Variants in ETV6 observed in about 807,000 individuals in gnomAD.
ETV6 encodes the protein transcription factor ETV6.
A neutral mutation model predicts 51.1 loss-of-function variants in ETV6; 16 were observed. The ratio of observed to expected loss-of-function variants is 0.31; its 90% CI spans 0.21 to 0.48. ETV6 has a LOEUF of 0.48. ETV6 is among the 20% of genes least tolerant of loss of function. The pLI, the probability that ETV6 is intolerant of heterozygous loss-of-function variation, is 0.99. For missense variants in ETV6, 458 were observed against 594.8 expected (o/e 0.77, Z 2.39); for synonymous variants, 240 against 224.1 (o/e 1.07, Z -0.64).
intron 1 of ETV6, among the ~76,000 whole-genome samples, chr12:11,694,399 C>T (rs769677108): frequency 1.3e-5 from 2 of 152,118 alleles, no homozygotes; most frequent in African/African-American, 2.4e-5. Flanking sequence ...GAATTGGGGA[C>T]CCATCTGTTG....
At chr12:11,654,698 C>G (rs1193862800) in intron 1 of ETV6, among the ~76,000 whole-genome samples, 1 of 151,964 alleles carries the variant, frequency 6.6e-6, no homozygotes, top group Non-Finnish European at 1.5e-5. Flanking sequence ...TGTATTGGCA[C>G]CACTATTTGC....
At chr12:11,718,083 A>G (rs1344389948) in intron 1 of ETV6, among the ~76,000 whole-genome samples, 1 of 151,824 alleles carries the variant, frequency 6.6e-6, no homozygotes, top group African/African-American at 2.4e-5. Context: ...AATAAGGCCC[A>G]TAATAAAAAA....
intron 1 of ETV6, among the ~76,000 whole-genome samples, chr12:11,708,200 G>A (rs1404079177): frequency 6.6e-6 from 1 of 151,794 alleles, no homozygotes; most frequent in Non-Finnish European, 1.5e-5. Flanking sequence ...GCCAGACAGA[G>A]CTGGGGTTCA....
chr12:11,687,372 G>A (rs1215611516), intron 1 of ETV6, among the ~76,000 whole-genome samples: 2 of 151,672 alleles, frequency 1.3e-5, no homozygotes, highest in Non-Finnish European at 2.9e-5. Context: ...GTAAAAACGA[G>A]GTTTCACCAT....
chr12:11,691,432 A>G (rs891732142), intron 1 of ETV6, among the ~76,000 whole-genome samples: 1 of 152,164 alleles, frequency 6.6e-6, no homozygotes, highest in Non-Finnish European at 1.5e-5. Context: ...TGAACCCTGT[A>G]TACATCTATG....
At position 11,892,943 on chromosome 12, in the gene ETV6, GAC is replaced by G. The variant is rs1219466687; in HGVS notation, c.*1902_*1903del. On this transcript the variant is annotated 3_prime_UTR_variant, in exon 8 of 8. Transcript: ENST00000396373. ...CCTGCCTCTTATCAGAGCACAGGTA[GAC>G]ACACGGGCATAGCCAGCCCACTCCT... 8.6e-6 allele frequency: 2 copies of G among 233,010 alleles called. No homozygotes were observed. The highest frequency in any genetic ancestry group is 4.4e-5 in the African/African-American group (2 of 45,336). The allele number at this position is 233,010 out of a possible 1,614,324, so 14.4% of individuals were successfully genotyped here. A position where few individuals can be genotyped will look rare whatever the true frequency, so the allele number is the denominator to read the frequency against.
intron 2 of ETV6, among the ~76,000 whole-genome samples, chr12:11,776,917 T>C (rs1278006682): frequency 6.6e-6 from 1 of 152,216 alleles, no homozygotes; most frequent in East Asian, 1.9e-4. Context: ...CAGGTCATTA[T>C]GTGGGACTAT....
Position 11,869,279 on chromosome 12 carries a change from C to T in ETV6, c.464-145C>T. The T allele has an allele frequency of 7.4e-6, 5 of 676,898 alleles. No homozygotes were observed. Among genetic ancestry groups the T allele is most frequent in the Non-Finnish European group, 9.9e-6 (4 of 404,594 alleles). The allele number at this position is 676,898 out of a possible 1,614,324, so 41.9% of individuals were successfully genotyped here. On this transcript the variant is annotated intron_variant, in intron 4 of 7. Transcript: ENST00000396373. This position sits in a 1 kb window ranked among gnomAD's most constrained non-coding sequence, Gnocchi z 5.0. ...AATATGCACCCTTCAAATTGTTAAG[C>T]AGTGAAAAAGACACTGCATTCTGGG...
chr12:11,842,534 G>T (rs527580864), intron 3 of ETV6, among the ~76,000 whole-genome samples: 2 of 152,156 alleles, frequency 1.3e-5, no homozygotes, highest in East Asian at 3.9e-4. Flanking sequence ...CTATTAAGTC[G>T]CCAAGTCTCC....
chr12:11,862,305 T>C (rs1266432034), intron 4 of ETV6, among the ~76,000 whole-genome samples: 1 of 152,106 alleles, frequency 6.6e-6, no homozygotes, highest in Non-Finnish European at 1.5e-5. Flanking sequence ...ATGAATAGGC[T>C]GAAATGCCAG....
chr12:11,702,333 G>A (rs1459676215), intron 1 of ETV6, among the ~76,000 whole-genome samples: 1 of 152,064 alleles, frequency 6.6e-6, no homozygotes, highest in Admixed American at 6.5e-5. Context: ...CAGTTTAGAG[G>A]TCTGTTTTTA....
chr12:11,721,894 A>G (rs1865395982), intron 1 of ETV6, among the ~76,000 whole-genome samples: 1 of 152,204 alleles, frequency 6.6e-6, no homozygotes, highest in Non-Finnish European at 1.5e-5. Context: ...ATGGTGGGAA[A>G]AGTCAGCTGT....
intron 2 of ETV6, among the ~76,000 whole-genome samples, chr12:11,802,031 C>A (rs1328471951): frequency 6.6e-6 from 1 of 152,166 alleles, no homozygotes. Flanking sequence ...GCGAGGAACT[C>A]TTTGTTTGTG....
At chr12:11,763,445 A>G (rs1328776158) in intron 2 of ETV6, among the ~76,000 whole-genome samples, 3 of 152,204 alleles carry the variant, frequency 2.0e-5, no homozygotes, top group Admixed American at 2.0e-4. Flanking sequence ...TTATAAATGA[A>G]ACTACTGGAA....
chr12:11,812,617 A>G (rs2136421932), intron 2 of ETV6, among the ~76,000 whole-genome samples: 1 of 152,236 alleles, frequency 6.6e-6, no homozygotes, highest in South Asian at 2.1e-4. Flanking sequence ...GGATCTTACC[A>G]GAGGCGGGTC....
At chr12:11,686,911 A>G (rs1279537313) in intron 1 of ETV6, among the ~76,000 whole-genome samples, 2 of 152,056 alleles carry the variant, frequency 1.3e-5, no homozygotes, top group Non-Finnish European at 2.9e-5. Flanking sequence ...TATTTTAGAC[A>G]GAGTGTAACT....
intron 3 of ETV6, among the ~76,000 whole-genome samples, chr12:11,843,433 C>T (rs972002866): frequency 2.6e-5 from 4 of 152,248 alleles, no homozygotes; most frequent in East Asian, 3.9e-4. Context: ...TCACAAATCA[C>T]GTCACTTCAC....
intron 3 of ETV6, chr12:11,840,328 C>A (rs970342085): frequency 9.3e-6 from 4 of 431,972 alleles, no homozygotes; most frequent in Non-Finnish European, 1.9e-5. Context: ...TTTCCTAAAC[C>A]CTGTGGATAT....
chr12:11,889,856 G>A (rs368535217), intron 7 of ETV6, among the ~76,000 whole-genome samples: 16 of 152,294 alleles, frequency 1.1e-4, no homozygotes, highest in South Asian at 8.3e-4. Flanking sequence ...AGATAGTGGC[G>A]CAGGGCAGAG....
Sources: allele counts gnomAD v4.1 joint callset (sites outside exome capture counted in the v4.1 genomes callset), GRCh38; gene constraint gnomAD v4.1.1; non-coding constraint Gnocchi (gnomAD v3.1); transcripts MANE v1.5; gene names NCBI Gene and HGNC (gene_info 2026-07-23, HGNC 2026-07-21).